Variants in FOXN3 observed in about 807,000 individuals in gnomAD.
The protein encoded by FOXN3 is forkhead box N3.
FOXN3 carries 7 observed loss-of-function variants against 38.4 expected under a neutral mutation model. The observed-to-expected ratio is 0.18, with a 90% CI of 0.10 to 0.34. FOXN3 has a LOEUF of 0.34. FOXN3 is among the 10% of genes least tolerant of loss of function. The pLI, the probability that FOXN3 is intolerant of heterozygous loss-of-function variation, is 1.00. For synonymous variants in FOXN3, 230 were observed against 242.2 expected (o/e 0.95, Z 0.47); for missense variants, 456 against 613.4 (o/e 0.74, Z 2.71).
At chr14:89,493,475 G>T (rs1047600102) in intron 1 of FOXN3, among the ~76,000 whole-genome samples, 6 of 152,072 alleles carry the variant, frequency 3.9e-5, no homozygotes, top group Non-Finnish European at 7.4e-5. Flanking sequence ...TCTTTACTTG[G>T]TTGCTCTGTA....
intron 2 of FOXN3, among the ~76,000 whole-genome samples, chr14:89,380,301 T>C (rs1890606826): frequency 6.6e-6 from 1 of 152,242 alleles, no homozygotes; most frequent in South Asian, 2.1e-4. Flanking sequence ...GCCATGATTG[T>C]GAGGCCACCC....
At chr14:89,223,464 C>T (rs1363209646) in intron 4 of FOXN3, 1 of 152,414 alleles carries the variant, frequency 6.6e-6, no homozygotes, top group African/African-American at 2.4e-5. Flanking sequence ...GAGAAGGGGC[C>T]TGCTTGTCCA....
chr14:89,520,224 G>T (rs1596306079), intron 1 of FOXN3, among the ~76,000 whole-genome samples: 1 of 146,744 alleles, frequency 6.8e-6, no homozygotes. Flanking sequence ...ATGTTGTCCA[G>T]ACTGAGTTTT....
chr14:89,244,169 C>T (rs778262308), intron 4 of FOXN3, among the ~76,000 whole-genome samples: 10 of 152,176 alleles, frequency 6.6e-5, no homozygotes, highest in Non-Finnish European at 1.0e-4. Context: ...GAAAACCAAG[C>T]AAAATGAAAT....
chr14:89,334,584 T>G (rs1204540704), intron 3 of FOXN3, among the ~76,000 whole-genome samples: 2 of 111,212 alleles, frequency 1.8e-5, no homozygotes, highest in East Asian at 3.0e-4. Flanking sequence ...CACTCCAGCC[T>G]GGGTGAGAGA....
In FOXN3 at chr14:89,555,876, TATGTGGGG is replaced by T. The variant is rs146772915; in HGVS notation, c.-15+63144_-15+63151del. On this transcript the variant is annotated intron_variant, in intron 1 of 6. Coordinates refer to the FOXN3 transcript ENST00000345097. ...GTGTGTGTGTGTGTGTGTGTGTGTG[TATGTGGGG>T]GTGTATGTGGGGGTGTGTGTGTTGT... is the stretch of plus-strand genomic sequence containing the variant. Among the ~76,000 whole-genome samples the T allele has an allele frequency of 8.0e-4, 87 of 108,522 alleles. 5 individuals carry two copies. The highest frequency in any genetic ancestry group is 4.3e-3 in the Middle Eastern group (1 of 234). 71.2% of individuals were successfully genotyped at this position (108,522 alleles called of 152,430 possible).
intron 1 of FOXN3, among the ~76,000 whole-genome samples, chr14:89,439,749 A>G (rs531172014): frequency 2.7e-4 from 40 of 146,554 alleles, no homozygotes; most frequent in African/African-American, 7.4e-4. Flanking sequence ...TCTGCCTCCC[A>G]GGTTCACGCC....
chr14:89,567,721 A>AC (rs1895391292), intron 1 of FOXN3, among the ~76,000 whole-genome samples: 1 of 129,490 alleles, frequency 7.7e-6, no homozygotes, highest in African/African-American at 2.9e-5. Context: ...AATCTCGTTG[A>AC]TTTTTTTTTT....
intron 5 of FOXN3, among the ~76,000 whole-genome samples, chr14:89,174,985 T>C (rs1273059964): frequency 6.6e-6 from 1 of 152,208 alleles, no homozygotes; most frequent in African/African-American, 2.4e-5. Flanking sequence ...TCAAGTTACA[T>C]AATTGGACAA....
intron 2 of FOXN3, among the ~76,000 whole-genome samples, chr14:89,404,469 CA>C (rs1891334801): frequency 7.3e-6 from 1 of 136,426 alleles, no homozygotes; most frequent in Non-Finnish European, 1.5e-5. Context: ...TGCACCACTG[CA>C]CTCCAGCCTG....
Position 89,159,377 on chromosome 14 carries a change from C to T in FOXN3, c.*3037G>A, listed in dbSNP as rs1046156327. ...CACTAAAGGTTCCCCGACAAGTCTTCCGGCAGATCCAACGAAGGGAGACTC... is the reference window on the plus strand; with the variant it reads ...CACTAAAGGTTCCCCGACAAGTCTTTCGGCAGATCCAACGAAGGGAGACTC... On this transcript the variant is annotated 3_prime_UTR_variant, in exon 6 of 6. Coordinates refer to ENST00000557258, the MANE Select transcript of FOXN3 (RefSeq NM_005197.4). The T allele has an allele frequency of 6.6e-6, 1 of 152,616 alleles. No individual in the cohort carries two copies. The highest frequency in any genetic ancestry group is 2.1e-4 in the South Asian group (1 of 4,830). The allele number at this position is 152,616 out of a possible 1,614,324, so 9.5% of individuals were successfully genotyped here. A position where few individuals can be genotyped will look rare whatever the true frequency, so the allele number is the denominator to read the frequency against.
At chr14:89,480,071 G>A (rs1893290703) in intron 1 of FOXN3, among the ~76,000 whole-genome samples, 1 of 152,080 alleles carries the variant, frequency 6.6e-6, no homozygotes, top group Admixed American at 6.6e-5. Flanking sequence ...CACCCTACTG[G>A]GGCTGTAAGA....
chr14:89,518,831 A>C (rs1192053171), intron 1 of FOXN3, among the ~76,000 whole-genome samples: 1 of 152,124 alleles, frequency 6.6e-6, no homozygotes, highest in African/African-American at 2.4e-5. Context: ...CCTGGCCAAG[A>C]TGGTGAAACC....
chr14:89,438,348 A>G (rs2140118933), intron 1 of FOXN3, among the ~76,000 whole-genome samples: 2 of 152,358 alleles, frequency 1.3e-5, no homozygotes, highest in East Asian at 1.9e-4. Context: ...GACGCCTTAT[A>G]TATGAAAGAA....
chr14:89,410,903 AAAAAAGAAAG>A (rs979369613), intron 2 of FOXN3, among the ~76,000 whole-genome samples: 13 of 109,586 alleles, frequency 1.2e-4, no homozygotes, highest in Admixed American at 3.9e-4. Context: ...AAGAAAAAAG[AAAAAAGAAAG>A]AAAAAGAAAG....
At position 89,162,213 on chromosome 14, in the gene FOXN3, T is replaced by G; in HGVS notation, c.*201A>C. On this transcript the variant is annotated 3_prime_UTR_variant, in exon 6 of 6. Transcript: ENST00000557258. The surrounding 1 kb of genome is among the most constrained non-coding windows in gnomAD (Gnocchi z 7.2). ...ATGAGTTCTATGGCTTCAATCTCCT[T>G]TAAAAATAAAATTCTTAAGGGTCCA... 2.2e-6 allele frequency: 1 copy of G among 464,660 alleles called. No homozygotes were observed. The highest frequency in any genetic ancestry group is 3.9e-5 in the Admixed American group (1 of 25,428). The allele number at this position is 464,660 out of a possible 1,614,324, so 28.8% of individuals were successfully genotyped here. A position where few individuals can be genotyped will look rare whatever the true frequency, so the allele number is the denominator to read the frequency against.
intron 4 of FOXN3, among the ~76,000 whole-genome samples, chr14:89,257,832 T>C (rs1325110243): frequency 6.6e-6 from 1 of 152,218 alleles, no homozygotes; most frequent in Non-Finnish European, 1.5e-5. Flanking sequence ...TGGTCCTCGA[T>C]GTCCCGTGGA....
intron 2 of FOXN3, among the ~76,000 whole-genome samples, chr14:89,390,207 C>CA (rs1442784216): frequency 2.0e-5 from 3 of 146,878 alleles, no homozygotes; most frequent in African/African-American, 7.6e-5. Context: ...GCTAAAATGA[C>CA]AGAGTGAGAC....
At chr14:89,389,635 G>T (rs11848971) in intron 2 of FOXN3, among the ~76,000 whole-genome samples, 10,848 of 152,218 alleles carry the variant, frequency 0.071, 868 homozygotes, top group African/African-American at 0.2. Context: ...AGACAAAGAC[G>T]GAAAAACTGG....
Sources: gnomAD v4.1 joint callset for allele counts (sites outside exome capture counted in the v4.1 genomes callset) on GRCh38, gnomAD v4.1.1 for gene constraint, Gnocchi (gnomAD v3.1) non-coding constraint, MANE v1.5 for transcripts, NCBI Gene and HGNC (gene_info 2026-07-23, HGNC 2026-07-21) for gene names.